GATA5: variants seen among roughly 807,000 people sequenced by gnomAD.
GATA5 encodes transcription factor GATA-5.
GATA5 carries 27 observed loss-of-function variants against 35.0 expected under a neutral mutation model. That is an observed-to-expected ratio of 0.77 (90% confidence interval 0.57 to 1.06). GATA5 has a LOEUF of 1.06. Among genes scored for constraint, GATA5 ranks in the 50% least tolerant of loss-of-function variants. The pLI is 0.00. For synonymous variants in GATA5, 306 were observed against 267.8 expected (o/e 1.14, Z -1.39); for missense variants, 612 against 580.0 (o/e 1.06, Z -0.57).
intron 3 of GATA5, among the ~76,000 whole-genome samples, chr20:62,471,162 C>T (rs1989710587): frequency 6.6e-6 from 1 of 152,046 alleles, no homozygotes; most frequent in African/African-American, 2.4e-5. Flanking sequence ...GGCTGGAAGA[C>T]CCAGGGCAGG....
At position 62,475,059 on chromosome 20, in the gene GATA5, T is replaced by C; in HGVS notation, c.463A>G (p.Thr155Ala). Residue 155 changes from threonine to alanine, a missense_variant, in exon 2 of 7, where the codon ACT becomes GCT. Physicochemically the swap from Thr to Ala is moderately conservative, Grantham distance 58. Coordinates refer to ENST00000252997, the MANE Select transcript of GATA5 (RefSeq NM_080473.5). ...ACGCTGCCATCGAAGGGCCCGGCAG[T>C]CCAGGACTGGGCCACGTCGGGGCTC... ...YVSPDVAQSWTAGPFDGSVLH... is the reference protein window; with the variant it reads ...YVSPDVAQSWAAGPFDGSVLH... 7.1e-7 allele frequency: 1 copy of C among 1,418,252 alleles called. No individual in the cohort carries two copies. The highest frequency in any genetic ancestry group is 9.2e-7 in the Non-Finnish European group (1 of 1,082,854). The allele number at this position is 1,418,252 out of a possible 1,614,324, so 87.9% of individuals were successfully genotyped here. A position where few individuals can be genotyped will look rare whatever the true frequency, so the allele number is the denominator to read the frequency against.
chr20:62,475,656 C>G, intron 1 of GATA5, 114 bp from the exon 2 acceptor site: 3 of 681,684 alleles, frequency 4.4e-6, no homozygotes, highest in Non-Finnish European at 6.2e-6. Flanking sequence ...CAGTCCCCAG[C>G]CCGGGACGTT....
intron 2 of GATA5, among the ~76,000 whole-genome samples, chr20:62,474,442 G>C (rs1601520115): frequency 1.3e-5 from 2 of 152,346 alleles, no homozygotes; most frequent in Middle Eastern, 3.4e-3. Flanking sequence ...GCTGGGTGTC[G>C]AGGCCTCCAA....
chr20:62,466,559 G>A lies in GATA5; in HGVS notation c.700-8C>T. 1 of 1,546,620 alleles carries A rather than the reference G, an allele frequency of 6.5e-7. No individual in the cohort carries two copies. Among genetic ancestry groups the A allele is most frequent in the South Asian group, 1.2e-5 (1 of 84,082 alleles). ...GGCGCGGCGGGACGAGGACTGTGGGGGCGAGGGAGACTGGAGTGAGCCCCG... is the reference window on the plus strand; with the variant it reads ...GGCGCGGCGGGACGAGGACTGTGGGAGCGAGGGAGACTGGAGTGAGCCCCG... On this transcript the variant is annotated splice_region_variant and splice_polypyrimidine_tract_variant and intron_variant, in intron 3 of 6. Transcript: ENST00000252997.
chr20:62,465,104 G>T, intron 6 of GATA5, 113 bp from the exon 7 acceptor site: 1 of 995,144 alleles, frequency 1.0e-6, no homozygotes, highest in South Asian at 1.6e-5. Context: ...TGCCCTTAGG[G>T]ACCCCCTGAT....
chr20:62,471,730 C>T (rs1343954021), intron 3 of GATA5, among the ~76,000 whole-genome samples: 1 of 147,422 alleles, frequency 6.8e-6, no homozygotes, highest in Non-Finnish European at 1.5e-5. Flanking sequence ...TGCACAGGAC[C>T]AATTTATTTA....
At chr20:62,469,953 G>A (rs1391822266) in intron 3 of GATA5, among the ~76,000 whole-genome samples, 3 of 152,160 alleles carry the variant, frequency 2.0e-5, no homozygotes, top group African/African-American at 4.8e-5. Context: ...ACCATACCGC[G>A]ACGATGCCTT....
chr20:62,473,269 G>A (rs1989764965), intron 3 of GATA5, 134 bp downstream of exon 3: 3 of 950,554 alleles, frequency 3.2e-6, no homozygotes, highest in Non-Finnish European at 4.7e-6. Context: ...ACCCACCGGG[G>A]CGGGCACCCA....
rs782819196 is a variant in GATA5 at position 62,475,492 on chromosome 20, G to A, written c.30C>T (p.Ser10=). 9.1e-6 allele frequency: 12 copies of A among 1,321,670 alleles called. No individual in the cohort carries two copies. In the South Asian group the frequency reaches 1.8e-4, roughly 20 times the overall value. 81.9% of individuals were successfully genotyped at this position (1,321,670 alleles called of 1,614,324 possible). A position where few individuals can be genotyped will look rare whatever the true frequency, so the allele number is the denominator to read the frequency against. The change falls in exon 2 of 7, where the codon AGC becomes AGT. Residue 10 remains serine (S), a synonymous_variant. Coordinates refer to ENST00000252997, the MANE Select transcript of GATA5 (RefSeq NM_080473.5). MYQSLALAA[S]PRQAAYADSG... Reference sequence around the variant, plus strand: ...AGTCGGCGTAGGCGGCCTGGCGGGGGCTCGCGGCCAGCGCCAGGCTCTGGT... The same window carrying A: ...AGTCGGCGTAGGCGGCCTGGCGGGGACTCGCGGCCAGCGCCAGGCTCTGGT...
At chr20:62,465,224 G>T in intron 6 of GATA5, 116 bp downstream of exon 6, 1 of 1,170,890 alleles carries the variant, frequency 8.5e-7, no homozygotes, top group Non-Finnish European at 1.2e-6. Flanking sequence ...GAAGGCAGCC[G>T]GTGTGTCCAG....
At chr20:62,471,901 T>C (rs1340764539) in intron 3 of GATA5, among the ~76,000 whole-genome samples, 32 of 111,108 alleles carry the variant, frequency 2.9e-4, no homozygotes, top group East Asian at 1.1e-3. Flanking sequence ...ACTAATTTCT[T>C]TTTTTTTTTT....
In GATA5 at chr20:62,464,774, G is replaced by A. The variant is rs1444562311; in HGVS notation, c.*62C>T. On this transcript the variant is annotated 3_prime_UTR_variant, in exon 7 of 7. Coordinates refer to ENST00000252997, the MANE Select transcript of GATA5 (RefSeq NM_080473.5). ...TGCTGTGCTGGAGCAAAGCAGGCACGGAGGTGACTCAGTGGGTGGTCTGTT... is the reference window on the plus strand; with the variant it reads ...TGCTGTGCTGGAGCAAAGCAGGCACAGAGGTGACTCAGTGGGTGGTCTGTT... 10 of 1,391,700 alleles carry A rather than the reference G, an allele frequency of 7.2e-6. No individual in the cohort carries two copies. Among genetic ancestry groups the A allele is most frequent in the South Asian group, 2.8e-5 (2 of 71,436 alleles). 86.2% of individuals were successfully genotyped at this position (1,391,700 alleles called of 1,614,324 possible).
At chr20:62,474,601 G>C (rs1555896913) in intron 2 of GATA5, among the ~76,000 whole-genome samples, 1 of 152,240 alleles carries the variant, frequency 6.6e-6, no homozygotes, top group Non-Finnish European at 1.5e-5. Flanking sequence ...ACTGAAACCA[G>C]GTCTCAAATT....
At position 62,475,278 on chromosome 20, in the gene GATA5, G is replaced by A. The variant is rs1396325756; in HGVS notation, c.244C>T (p.Pro82Ser). The change falls in exon 2 of 7, where the codon CCC becomes TCC. Residue 82 changes from proline to serine, a missense_variant. Physicochemically the swap from Pro to Ser is moderately conservative, Grantham distance 74. Coordinates refer to ENST00000252997, the MANE Select transcript of GATA5 (RefSeq NM_080473.5). ...SSAFGPGSPH[P>S]PAAHPPGATA... ...GCCCCGGGCGGGTGCGCGGCTGGGG[G>A]GTGCGGACTGCCCGGGCCGAAGGCC... 3 of 1,245,924 alleles carry A rather than the reference G, an allele frequency of 2.4e-6. No individual in the cohort carries two copies. The highest frequency in any genetic ancestry group is 3.0e-6 in the Non-Finnish European group (3 of 995,168). The allele number at this position is 1,245,924 out of a possible 1,614,324, so 77.2% of individuals were successfully genotyped here.
Position 62,466,410 on chromosome 20 carries a change from CG to C in GATA5, c.825+15del. 2.5e-6 allele frequency: 4 copies of C among 1,571,844 alleles called. No homozygotes were observed. Among genetic ancestry groups the C allele is most frequent in the Admixed American group, 1.8e-5 (1 of 54,854 alleles). Reference sequence around the variant, plus strand: ...GGACAGAGGCCTCCCCGCCCTGCCCCGGGGACCACACTCACCCCGTGCAGCT... The same window carrying C: ...GGACAGAGGCCTCCCCGCCCTGCCCCGGGACCACACTCACCCCGTGCAGCT... On this transcript the variant is annotated intron_variant, in intron 4 of 6. Transcript: ENST00000252997.
rs1216745509 is a variant in GATA5 at position 62,471,448 on chromosome 20, T to TTTTTTTTTTTTTTG, written c.699+1954_699+1955insCAAAAAAAAAAAAA. On this transcript the variant is annotated intron_variant, in intron 3 of 6. Transcript: ENST00000252997. ...TCAATTACAATTTTTTTTTTTTTTT[T>TTTTTTTTTTTTTTG]TGTGATGAGGTCTTGCTCTGTTGCC... 1.1e-4 allele frequency among the ~76,000 whole-genome samples: 16 copies of TTTTTTTTTTTTTTG among 142,366 alleles called. 1 individual carries two copies. The highest frequency in any genetic ancestry group is 2.3e-4 in the Non-Finnish European group (15 of 64,856). 93.4% of individuals were successfully genotyped at this position (142,366 alleles called of 152,430 possible).
Position 62,466,428 on chromosome 20 carries a change from C to A in GATA5, c.823G>T (p.Gly275Trp). The A allele has an allele frequency of 6.3e-7, 1 of 1,584,312 alleles. No individual in the cohort carries two copies. Among genetic ancestry groups the A allele is most frequent in the East Asian group, 2.3e-5 (1 of 43,250 alleles). ...NACGLYMKLH[G>W]VPRPLAMKKE... ...CCTGCCCCGGGGACCACACTCACCC[C>A]GTGCAGCTTCATGTAGAGGCCGCAG... The change falls in exon 4 of 7, where the codon GGG becomes TGG. Residue 275 changes from glycine to tryptophan, a missense_variant and splice_region_variant. Coordinates refer to ENST00000252997, the MANE Select transcript of GATA5 (RefSeq NM_080473.5).
intron 3 of GATA5, among the ~76,000 whole-genome samples, chr20:62,467,170 A>C (rs1176430461): frequency 6.6e-6 from 1 of 152,180 alleles, no homozygotes; most frequent in Non-Finnish European, 1.5e-5. Context: ...GACTGACCCC[A>C]ATCTGGCAGG....
chr20:62,469,594 T>G (rs535958953), intron 3 of GATA5, among the ~76,000 whole-genome samples: 8 of 152,332 alleles, frequency 5.3e-5, no homozygotes, highest in Admixed American at 1.3e-4. Context: ...CGTGCGTGGG[T>G]TGGGACAGCC....
Sources: gnomAD v4.1 joint callset for allele counts (sites outside exome capture counted in the v4.1 genomes callset) on GRCh38, gnomAD v4.1.1 for gene constraint, MANE v1.5 for transcripts, NCBI Gene and HGNC (gene_info 2026-07-23, HGNC 2026-07-21) for gene names.